The following SYNE2 variants were observed in gnomAD, a reference collection of about 807,000 sequenced individuals.
The protein encoded by SYNE2 is nesprin-2.
A neutral mutation model predicts 856.3 loss-of-function variants in SYNE2; 431 were observed. The observed-to-expected ratio is 0.50, with a 90% confidence interval of 0.47 to 0.55. The LOEUF (loss-of-function observed/expected upper bound fraction) is 0.55. SYNE2 is among the 20% of genes least tolerant of loss of function. The probability of loss-of-function intolerance (pLI) is 0.00; values close to 1 mark genes in which losing one functional copy is unlikely to be tolerated. For synonymous variants in SYNE2, 2,923 were observed against 2,872.3 expected, an observed-to-expected ratio of 1.02 and a Z score of -0.56; for missense variants, 8,129 against 8,023.2, an observed-to-expected ratio of 1.01 and a Z score of -0.50.
In SYNE2 at chr14:63,979,162, A is replaced by T. The variant is rs2153471288; in HGVS notation, c.1569+148A>T. 3.8e-6 allele frequency: 3 copies of T among 784,048 alleles called. No individual in the cohort carries two copies. In the Middle Eastern group the frequency reaches 7.0e-4, roughly 182 times the overall value. 48.6% of individuals were successfully genotyped at this position (784,048 alleles called of 1,614,324 possible). ...TCATTAGCTTAAATATTGCATGGAG[A>T]AAAGAATTACAGGGAGTCAACCAGC... is the stretch of plus-strand genomic sequence containing the variant. On this transcript the variant is annotated intron_variant, in intron 14 of 115. Coordinates refer to ENST00000555002, the MANE Select transcript of SYNE2 (RefSeq NM_182914.3).
rs200196902 is a variant in SYNE2, at chr14:63,815,159, C to CATATATATATCCAT, written c.-304-37334_-304-37333insATCCATATATATAT. Among the ~76,000 whole-genome samples, 2 of 70,806 alleles carry CATATATATATCCAT rather than the reference C, an allele frequency of 2.8e-5. 1 individual carries two copies. Among genetic ancestry groups the CATATATATATCCAT allele is most frequent in the Non-Finnish European group, 5.1e-5 (2 of 39,068 alleles). The allele number at this position is 70,806 out of a possible 152,430, so 46.5% of individuals were successfully genotyped here. Reference sequence around the variant, plus strand: ...ATCCATATATATACACATATATATCCATATATATCCACATATATATCCATA... The same window carrying CATATATATATCCAT: ...ATCCATATATATACACATATATATCCATATATATATCCATATATATATCCACATATATATCCATA... On this transcript the variant is annotated intron_variant, in intron 1 of 23. Coordinates refer to the SYNE2 transcript ENST00000674003.
intron 1 of SYNE2, among the ~76,000 whole-genome samples, chr14:63,833,859 C>A (rs1595156666): frequency 7.5e-6 from 1 of 133,218 alleles, no homozygotes; most frequent in East Asian, 2.1e-4. Context: ...CACTAATATC[C>A]ATGGAAATGC....
At chr14:64,146,004 G>T in intron 83 of SYNE2, 64 bp from the exon 84 acceptor site, 1 of 1,187,434 alleles carries the variant, frequency 8.4e-7, no homozygotes, top group Non-Finnish European at 1.1e-6. Context: ...AAAAAATAAC[G>T]TCATGGCATT....
upstream of SYNE2, among the ~76,000 whole-genome samples, chr14:63,849,497 C>A (rs1436727811): frequency 1.3e-5 from 2 of 152,166 alleles, no homozygotes; most frequent in East Asian, 3.8e-4. Flanking sequence ...ACCTTCTGTG[C>A]CCATGACAGA....
chr14:64,013,147 T>C (rs1027971470), intron 32 of SYNE2, among the ~76,000 whole-genome samples: 2 of 152,216 alleles, frequency 1.3e-5, no homozygotes, highest in African/African-American at 2.4e-5. Context: ...CTGCCAATGC[T>C]AAAAGTATAC....
In SYNE2 at chr14:64,152,437, T is replaced by C. The variant is rs564023807; in HGVS notation, c.15640-127T>C. On this transcript the variant is annotated intron_variant, in intron 84 of 115. Coordinates refer to ENST00000555002, the MANE Select transcript of SYNE2 (RefSeq NM_182914.3). Reference sequence around the variant, plus strand: ...AGTATTATGATTTAAATTTCTTTGATGTAATGCTATTTAATTATATAATCT... The same window carrying C: ...AGTATTATGATTTAAATTTCTTTGACGTAATGCTATTTAATTATATAATCT... The C allele has an allele frequency of 2.6e-5, 23 of 879,498 alleles. No individual in the cohort carries two copies. In the African/African-American group the frequency reaches 3.7e-4, roughly 14 times the overall value. The allele number at this position is 879,498 out of a possible 1,614,324, so 54.5% of individuals were successfully genotyped here. A position where few individuals can be genotyped will look rare whatever the true frequency, so the allele number is the denominator to read the frequency against.
chr14:63,948,108 A>G (rs1037928414), intron 6 of SYNE2, among the ~76,000 whole-genome samples: 17 of 152,050 alleles, frequency 1.1e-4, no homozygotes, highest in Admixed American at 1.1e-3. Context: ...AATTTTATGA[A>G]TAACTTGTCA....
intron 90 of SYNE2, among the ~76,000 whole-genome samples, 190 bp downstream of exon 90, chr14:64,165,600 C>T (rs1410957549): frequency 2.6e-5 from 4 of 151,506 alleles, no homozygotes; most frequent in Non-Finnish European, 4.4e-5. Flanking sequence ...GCAACCTCCA[C>T]CTCCCGGGTT....
intron 10 of SYNE2, among the ~76,000 whole-genome samples, chr14:63,965,272 A>G (rs1051858984): frequency 1.3e-5 from 2 of 151,960 alleles, no homozygotes; most frequent in Non-Finnish European, 2.9e-5. Flanking sequence ...CATGTTGAAC[A>G]TTTTCTATGT....
At chr14:64,071,663 T>C (rs1312642032) in intron 52 of SYNE2, among the ~76,000 whole-genome samples, 1 of 152,250 alleles carries the variant, frequency 6.6e-6, no homozygotes, top group Admixed American at 6.5e-5. Context: ...TGTATTCTGC[T>C]GAGTAATTTA....
At chr14:63,888,300 G>A (rs1343355655) in intron 1 of SYNE2, among the ~76,000 whole-genome samples, 1 of 152,190 alleles carries the variant, frequency 6.6e-6, no homozygotes, top group African/African-American at 2.4e-5. Context: ...CACTTGGTGT[G>A]GCTTTGGGTA....
At chr14:64,178,597 T>C (rs375552660) in intron 96 of SYNE2, among the ~76,000 whole-genome samples, 2 of 151,956 alleles carry the variant, frequency 1.3e-5, no homozygotes, top group Non-Finnish European at 2.9e-5. Context: ...TAGCCCAGAG[T>C]ACAGGCATGC....
intron 67 of SYNE2, among the ~76,000 whole-genome samples, chr14:64,120,287 G>A (rs1024169128): frequency 1.3e-5 from 2 of 152,126 alleles, no homozygotes; most frequent in Non-Finnish European, 2.9e-5. Flanking sequence ...TAGCCATAGG[G>A]GAAATTTGAA....
intron 21 of SYNE2, 134 bp from the exon 22 acceptor site, chr14:63,993,701 C>T (rs2096687994): frequency 2.6e-6 from 2 of 760,876 alleles, no homozygotes; most frequent in African/African-American, 3.5e-5. Context: ...TCCTATAAAT[C>T]TTCAGATATT....
chr14:63,904,157 T>G (rs2095376437), intron 1 of SYNE2, among the ~76,000 whole-genome samples: 1 of 152,214 alleles, frequency 6.6e-6, no homozygotes, highest in South Asian at 2.1e-4. Flanking sequence ...ATGATTTTAT[T>G]CTTTTTTATG....
At chr14:63,839,265 G>A (rs950310173) in intron 1 of SYNE2, among the ~76,000 whole-genome samples, 7 of 152,148 alleles carry the variant, frequency 4.6e-5, no homozygotes, top group Non-Finnish European at 7.4e-5. Context: ...TCCTGACCTC[G>A]TGATCCGCCT....
Position 64,225,263 on chromosome 14 carries a change from G to C in SYNE2, c.20517-56G>C. The C allele has an allele frequency of 9.3e-6, 15 of 1,613,616 alleles. No individual in the cohort carries two copies. The South Asian group carries it at 1.6e-4, about 18-fold the overall frequency. ...TACATAAGCAGGGGCTTAGGTAATA[G>C]AGTGGGTTGTGCCTGTGGAGCCTCC... On this transcript the variant is annotated intron_variant, in intron 115 of 115. Transcript: ENST00000555002.
intron 42 of SYNE2, 79 bp downstream of exon 42, chr14:64,026,809 T>C: frequency 6.7e-7 from 1 of 1,498,438 alleles, no homozygotes; most frequent in East Asian, 2.4e-5. Flanking sequence ...GTCTGCCCCC[T>C]GGGTTTGGAT....
intron 1 of SYNE2, among the ~76,000 whole-genome samples, chr14:63,879,567 G>T (rs1168143945): frequency 1.3e-5 from 2 of 152,248 alleles, no homozygotes; most frequent in Admixed American, 6.5e-5. Context: ...TGGGAAAGCC[G>T]ATCTGGCTGA....
Sources: allele counts gnomAD v4.1 joint callset (sites outside exome capture counted in the v4.1 genomes callset), GRCh38; gene constraint gnomAD v4.1.1; transcripts MANE v1.5; gene names NCBI Gene and HGNC (gene_info 2026-07-23, HGNC 2026-07-21).